Variants in NTM observed in about 807,000 individuals in gnomAD.
NTM encodes the protein IgLON family member 2.
A neutral mutation model predicts 42.1 loss-of-function variants in NTM; 13 were observed. The ratio of observed to expected loss-of-function variants is 0.31; its 90% confidence interval spans 0.20 to 0.49. The LOEUF (loss-of-function observed/expected upper bound fraction) is 0.49, where lower values mean the gene tolerates loss of function less well. NTM is among the 20% of genes least tolerant of loss of function. The probability of loss-of-function intolerance (pLI) is 0.99; values close to 1 mark genes in which losing one functional copy is unlikely to be tolerated. For missense variants in NTM, 373 were observed against 452.8 expected (o/e 0.82, Z 1.60); for synonymous variants, 187 against 179.2 (o/e 1.04, Z -0.35).
intron 4 of NTM, among the ~76,000 whole-genome samples, chr11:132,226,070 C>T (rs1426810568): frequency 6.6e-6 from 1 of 152,182 alleles, no homozygotes; most frequent in South Asian, 2.1e-4. Flanking sequence ...CATAGTATTC[C>T]ATGGTATATA....
chr11:132,074,207 G>A (rs1317640497), intron 2 of NTM, among the ~76,000 whole-genome samples: 1 of 152,214 alleles, frequency 6.6e-6, no homozygotes, highest in Non-Finnish European at 1.5e-5. Context: ...CTGATGGCAA[G>A]GAAACTCTTG....
chr11:132,053,963 C>T (rs1001574822), intron 2 of NTM, among the ~76,000 whole-genome samples: 7 of 152,196 alleles, frequency 4.6e-5, no homozygotes, highest in African/African-American at 1.7e-4. Context: ...CAACTGTAAT[C>T]CCGGCACTTT....
At chr11:131,402,859 C>A (rs1945395724) in intron 1 of NTM, among the ~76,000 whole-genome samples, 1 of 152,084 alleles carries the variant, frequency 6.6e-6, no homozygotes, top group South Asian at 2.1e-4. Context: ...TATCATAGGG[C>A]CTGTGAGGAC....
At chr11:132,118,627 G>C (rs1442345181) in intron 2 of NTM, among the ~76,000 whole-genome samples, 1 of 152,130 alleles carries the variant, frequency 6.6e-6, no homozygotes, top group Admixed American at 6.5e-5. Context: ...CTGTCCTCAA[G>C]AGCCACGGAA....
chr11:131,489,983 C>T (rs573500892), intron 1 of NTM, among the ~76,000 whole-genome samples: 3 of 152,354 alleles, frequency 2.0e-5, no homozygotes, highest in Admixed American at 6.5e-5. Context: ...CTGAGAGCAT[C>T]AGGCTGCTTC....
In NTM at chr11:132,181,134, C is replaced by T. The variant is rs1402383230; in HGVS notation, c.401-30888C>T. Among the ~76,000 whole-genome samples, 3 of 152,190 alleles carry T rather than the reference C, an allele frequency of 2.0e-5. No individual in the cohort carries two copies. The East Asian group carries it at 5.8e-4, about 29-fold the overall frequency. ...GATGCAGTTGCTACCACTGTCCTTA[C>T]TGATGATACTTTCTTTACCAACTTT... On this transcript the variant is annotated intron_variant, in intron 3 of 8. Coordinates refer to ENST00000683400, the MANE Select transcript of NTM (RefSeq NM_001352005.2).
At position 131,496,438 on chromosome 11, in the gene NTM, G is replaced by C. The variant is rs1466162317; in HGVS notation, c.82+125550G>C. On this transcript the variant is annotated intron_variant, in intron 1 of 8. Coordinates refer to ENST00000683400, the MANE Select transcript of NTM (RefSeq NM_001352005.2). ...GGTCCACCCTTTGTGATAGCACTCAGCGTCTTGCTGCAGACAAAGCAGTGG... is the reference window on the plus strand; with the variant it reads ...GGTCCACCCTTTGTGATAGCACTCACCGTCTTGCTGCAGACAAAGCAGTGG... Among the ~76,000 whole-genome samples the C allele has an allele frequency of 2.0e-5, 3 of 152,218 alleles. No homozygotes were observed. In the East Asian group the frequency reaches 5.8e-4, roughly 29 times the overall value.
intron 1 of NTM, among the ~76,000 whole-genome samples, chr11:131,384,009 A>C (rs1943015411): frequency 6.6e-6 from 1 of 152,170 alleles, no homozygotes; most frequent in South Asian, 2.1e-4. Context: ...GAAGAGGATA[A>C]GTAATAAAGA....
At chr11:132,037,285 G>C (rs573651749) in intron 2 of NTM, among the ~76,000 whole-genome samples, 1 of 152,194 alleles carries the variant, frequency 6.6e-6, no homozygotes, top group African/African-American at 2.4e-5. Flanking sequence ...TCTCTCCCCT[G>C]TGATTTCTGC....
intron 1 of NTM, among the ~76,000 whole-genome samples, chr11:131,518,460 A>C (rs552034093): frequency 6.6e-6 from 1 of 152,278 alleles, no homozygotes; most frequent in African/African-American, 2.4e-5. Flanking sequence ...ATTATGTTAT[A>C]AATGGTTACT....
intron 1 of NTM, among the ~76,000 whole-genome samples, chr11:131,454,389 C>T (rs1244126571): frequency 6.6e-6 from 1 of 152,152 alleles, no homozygotes; most frequent in Non-Finnish European, 1.5e-5. Context: ...ACTGTATTCC[C>T]TTTTCTCTCT....
intron 1 of NTM, among the ~76,000 whole-genome samples, chr11:131,823,386 G>A (rs953896236): frequency 1.3e-4 from 20 of 152,118 alleles, no homozygotes; most frequent in Admixed American, 4.6e-4. Context: ...AGGTAAGCAC[G>A]AAATTAGAGG....
intron 1 of NTM, among the ~76,000 whole-genome samples, chr11:131,874,035 ATATATATATATATATAT>A (rs1296311040): frequency 5.1e-4 from 9 of 17,762 alleles, no homozygotes; most frequent in African/African-American, 1.2e-3. Context: ...AATATAATAT[ATATATATATATATATAT>A]ATATATATAT....
chr11:132,155,887 G>A (rs968519717), intron 3 of NTM, among the ~76,000 whole-genome samples: 1 of 152,214 alleles, frequency 6.6e-6, no homozygotes, highest in Non-Finnish European at 1.5e-5. Flanking sequence ...AAGGAGTGGG[G>A]TGCAGGTAGG....
intron 1 of NTM, among the ~76,000 whole-genome samples, chr11:131,453,188 G>A (rs376404282): frequency 1.3e-5 from 2 of 152,266 alleles, no homozygotes; most frequent in East Asian, 3.9e-4. Context: ...ACTATCATAG[G>A]CAGAGGAGAA....
intron 1 of NTM, among the ~76,000 whole-genome samples, chr11:131,863,161 C>T (rs80092611): frequency 0.034 from 5,110 of 152,244 alleles, 305 homozygotes; most frequent in African/African-American, 0.12. Flanking sequence ...AGTGAGATTG[C>T]AAACCATCAT....
chr11:131,813,971 G>GTT (rs1235996540), intron 1 of NTM, among the ~76,000 whole-genome samples: 1 of 152,020 alleles, frequency 6.6e-6, no homozygotes, highest in Non-Finnish European at 1.5e-5. Flanking sequence ...TCAGTGTTGA[G>GTT]CCCACAGTAA....
intron 4 of NTM, among the ~76,000 whole-genome samples, chr11:132,254,024 G>A (rs2139420381): frequency 6.6e-6 from 1 of 152,296 alleles, no homozygotes; most frequent in South Asian, 2.1e-4. Flanking sequence ...CTCAAGCCAA[G>A]CAGGGGCTGG....
At chr11:132,076,307 G>A (rs1356311248) in intron 2 of NTM, among the ~76,000 whole-genome samples, 1 of 152,172 alleles carries the variant, frequency 6.6e-6, no homozygotes, top group Admixed American at 6.5e-5. Context: ...AATAAGCATG[G>A]CATCCCAATA....
Sources: allele counts gnomAD v4.1 joint callset (sites outside exome capture counted in the v4.1 genomes callset), GRCh38; gene constraint gnomAD v4.1.1; transcripts MANE v1.5; gene names NCBI Gene and HGNC (gene_info 2026-07-23, HGNC 2026-07-21).